Variants in FER1L6 observed in about 807,000 individuals in gnomAD.
The protein encoded by FER1L6 is fer-1 like family member 6.
Under a neutral mutation model 219.2 loss-of-function variants are expected in FER1L6, and 177 were observed. The observed-to-expected ratio is 0.81, with a 90% CI of 0.71 to 0.91. The LOEUF (loss-of-function observed/expected upper bound fraction) is 0.91. Ranked by LOEUF, FER1L6 falls within the 40% of genes least tolerant of loss-of-function variation. FER1L6 has a pLI of 0.00. For missense variants in FER1L6, 2,153 were observed against 2,259.9 expected (o/e 0.95, Z 0.96); for synonymous variants, 768 against 824.3 (o/e 0.93, Z 1.17).
At chr8:124,107,230 G>A (rs1291526290) in intron 39 of FER1L6, among the ~76,000 whole-genome samples, 4 of 152,108 alleles carry the variant, frequency 2.6e-5, no homozygotes, top group Non-Finnish European at 5.9e-5. Flanking sequence ...TTACAGGCAT[G>A]AGCCACCGCG....
At chr8:123,865,545 C>G (rs1403870110) in intron 1 of FER1L6, among the ~76,000 whole-genome samples, 4 of 151,508 alleles carry the variant, frequency 2.6e-5, no homozygotes, top group African/African-American at 7.4e-5. Flanking sequence ...TTTACCTAAG[C>G]AAGCCTGGGC....
intron 2 of FER1L6, 25 bp downstream of exon 2, chr8:123,956,099 C>A (rs1324620618): frequency 1.3e-6 from 2 of 1,593,404 alleles, no homozygotes; most frequent in African/African-American, 1.3e-5. Flanking sequence ...GGGGTGCTGA[C>A]CATTGGGGCC....
intron 1 of FER1L6, among the ~76,000 whole-genome samples, chr8:123,911,016 A>C (rs116294371): frequency 0.01 from 1,558 of 152,196 alleles, 24 homozygotes; most frequent in African/African-American, 0.035. Flanking sequence ...CCAGGTACTG[A>C]AAAATGGAGC....
Position 123,979,933 on chromosome 8 carries a change from C to G in FER1L6, c.1064-532C>G, listed in dbSNP as rs1417455790. On this transcript the variant is annotated intron_variant, in intron 10 of 40. Coordinates refer to ENST00000522917, the MANE Select transcript of FER1L6 (RefSeq NM_001039112.2). ...AAACTCTCCCAGAGTTCATCTCTAG[C>G]TCCAGGCTCCTTTCTAACTGGCACA... is the stretch of plus-strand genomic sequence containing the variant. Among the ~76,000 whole-genome samples, 3 of 152,176 alleles carry G rather than the reference C, an allele frequency of 2.0e-5. No individual in the cohort carries two copies. In the East Asian group the frequency reaches 5.8e-4, roughly 29 times the overall value.
At chr8:123,879,739 TCACA>T (rs1259541475) in intron 1 of FER1L6, among the ~76,000 whole-genome samples, 1 of 151,614 alleles carries the variant, frequency 6.6e-6, no homozygotes, top group African/African-American at 2.4e-5. Context: ...ACACACACAC[TCACA>T]CACATTCACT....
chr8:124,057,194 C>T (rs988293941), intron 22 of FER1L6, among the ~76,000 whole-genome samples: 2 of 152,196 alleles, frequency 1.3e-5, no homozygotes, highest in African/African-American at 4.8e-5. Flanking sequence ...CACTATTTGA[C>T]GCTGTGCCCA....
intron 1 of FER1L6, among the ~76,000 whole-genome samples, chr8:123,911,212 G>A (rs1306480890): frequency 1.3e-5 from 2 of 152,174 alleles, no homozygotes; most frequent in African/African-American, 4.8e-5. Flanking sequence ...ATTACACACA[G>A]AAGAAAGTTA....
intron 28 of FER1L6, among the ~76,000 whole-genome samples, chr8:124,068,936 C>CTT (rs528179923): frequency 1.9e-4 from 27 of 139,502 alleles, no homozygotes; most frequent in African/African-American, 5.5e-4. Context: ...GTTACTATTT[C>CTT]TTTTTTTTTT....
intron 24 of FER1L6, among the ~76,000 whole-genome samples, chr8:124,061,284 C>T (rs9297684): frequency 0.81 from 123,889 of 152,176 alleles, 50,623 homozygotes; most frequent in Non-Finnish European, 0.86. Context: ...TTTTGTGCTT[C>T]GATTTGAAAC....
Position 124,010,652 on chromosome 8 carries a change from T to TG in FER1L6, c.1763dup (p.Asp589ArgfsTer38), listed in dbSNP as rs1407323446. 2 of 1,614,114 alleles carry TG rather than the reference T, an allele frequency of 1.2e-6. No individual in the cohort carries two copies. The highest frequency in any genetic ancestry group is 3.3e-5 in the Admixed American group (2 of 60,020). Reference sequence around the variant, plus strand: ...GCCCTGTGTCTATTTCATCAGCTCTTGGGGAGACCAGACCTTCAGGCTGCA... The same window carrying TG: ...GCCCTGTGTCTATTTCATCAGCTCTTGGGGGAGACCAGACCTTCAGGCTGCA... On this transcript the variant is annotated frameshift_variant, in exon 14 of 41. Transcript: ENST00000522917. LOFTEE classifies it high-confidence loss of function.
At chr8:124,038,564 C>A (rs1819320586) in intron 19 of FER1L6, among the ~76,000 whole-genome samples, 1 of 152,200 alleles carries the variant, frequency 6.6e-6, no homozygotes, top group Non-Finnish European at 1.5e-5. Flanking sequence ...ACACTCCAGC[C>A]TCTTCACCCC....
chr8:123,976,072 T>A lies in FER1L6; in HGVS notation c.858T>A (p.Phe286Leu). Reference protein sequence around the residue: ...DLVDPFVEVSFAGQMGRTTVQ... With the variant: ...DLVDPFVEVSLAGQMGRTTVQ... ...TGGATCCCTTTGTGGAGGTCTCCTT[T>A]GCTGGGCAGATGGTGAGGAACCATT... Residue 286 changes from phenylalanine to leucine, a missense_variant, in exon 9 of 41, where the codon TTT (phenylalanine) becomes TTA (leucine). By Grantham distance (22) the Phe-to-Leu change is conservative. Coordinates refer to ENST00000522917, the MANE Select transcript of FER1L6 (RefSeq NM_001039112.2). 6.2e-7 allele frequency: 1 copy of A among 1,612,126 alleles called. No homozygotes were observed. The highest frequency in any genetic ancestry group is 1.7e-4 in the Middle Eastern group (1 of 5,900).
At chr8:124,106,915 G>C (rs1032747939) in intron 39 of FER1L6, among the ~76,000 whole-genome samples, 1 of 150,174 alleles carries the variant, frequency 6.7e-6, no homozygotes, top group African/African-American at 2.5e-5. Context: ...ATAATTAATT[G>C]ACCCTAGTAT....
intron 1 of FER1L6, among the ~76,000 whole-genome samples, chr8:123,942,334 TA>T (rs1814274907): frequency 6.6e-6 from 1 of 152,166 alleles, no homozygotes; most frequent in Non-Finnish European, 1.5e-5. Flanking sequence ...GCACCATACC[TA>T]AAACACAAAG....
chr8:123,898,920 G>C (rs1181420684), intron 1 of FER1L6, among the ~76,000 whole-genome samples: 1 of 150,540 alleles, frequency 6.6e-6, no homozygotes, highest in African/African-American at 2.5e-5. Flanking sequence ...GGGCATTTGT[G>C]TTGGTTCCAC....
Position 123,975,969 on chromosome 8 carries a change from C to T in FER1L6, c.755C>T (p.Ala252Val), listed in dbSNP as rs1586542036. The change falls in exon 9 of 41, where the codon GCA becomes GTA. Residue 252 changes from alanine (A) to valine (V), a missense_variant. By Grantham distance (64) the Ala-to-Val change is moderately conservative. Coordinates refer to ENST00000522917, the MANE Select transcript of FER1L6 (RefSeq NM_001039112.2). ...AGATTCTATGTGAGACTCTACAAAGCAGAAGGGTTGCCCAAAATGAATTCA... is the reference window on the plus strand; with the variant it reads ...AGATTCTATGTGAGACTCTACAAAGTAGAAGGGTTGCCCAAAATGAATTCA... ...WARFYVRLYK[A>V]EGLPKMNSSI... The T allele has an allele frequency of 1.9e-6, 3 of 1,614,052 alleles. No individual in the cohort carries two copies. The highest frequency in any genetic ancestry group is 2.5e-6 in the Non-Finnish European group (3 of 1,179,950).
intron 1 of FER1L6, among the ~76,000 whole-genome samples, chr8:123,943,722 C>T (rs1314274980): frequency 6.6e-6 from 1 of 152,074 alleles, no homozygotes; most frequent in Non-Finnish European, 1.5e-5. Context: ...ACTCTGTCCA[C>T]ACCCTTTGCT....
intron 16 of FER1L6, among the ~76,000 whole-genome samples, chr8:124,020,908 A>G (rs7819224): frequency 0.5 from 75,723 of 151,892 alleles, 19,450 homozygotes; most frequent in Non-Finnish European, 0.57. Context: ...CTGTTCTCAC[A>G]CTGCTAATAA....
chr8:123,863,768 T>A (rs1816783346), intron 1 of FER1L6, among the ~76,000 whole-genome samples: 1 of 148,770 alleles, frequency 6.7e-6, no homozygotes. Flanking sequence ...CTTTGTTGGT[T>A]TAAAGTCTGT....
Sources: allele counts gnomAD v4.1 joint callset (sites outside exome capture counted in the v4.1 genomes callset), GRCh38; gene constraint gnomAD v4.1.1; transcripts MANE v1.5; gene names NCBI Gene and HGNC (gene_info 2026-07-23, HGNC 2026-07-21).